The following SMARCAL1 variants were observed in gnomAD, a reference collection of about 807,000 sequenced individuals.
The protein encoded by SMARCAL1 is SNF2 related chromatin remodeling annealing helicase 1.
A neutral mutation model predicts 94.5 loss-of-function variants in SMARCAL1; 58 were observed. The observed-to-expected ratio is 0.61, with a 90% CI of 0.50 to 0.76. The LOEUF is 0.76. SMARCAL1 is among the 30% of genes least tolerant of loss of function. The pLI, the probability that SMARCAL1 is intolerant of heterozygous loss-of-function variation, is 0.00. For missense variants in SMARCAL1, 1,051 were observed against 1,177.9 expected (o/e 0.89, Z 1.58); for synonymous variants, 422 against 455.1 (o/e 0.93, Z 0.93).
At chr2:216,422,297 T>C (rs1307967528) in intron 5 of SMARCAL1, among the ~76,000 whole-genome samples, 1 of 152,158 alleles carries the variant, frequency 6.6e-6, no homozygotes, top group African/African-American at 2.4e-5. Flanking sequence ...GGAGAATCCC[T>C]TGAGCCTGGG....
At position 216,416,182 on chromosome 2, in the gene SMARCAL1, C is replaced by T. The variant is rs557194670; in HGVS notation, c.812-75C>T. 37 of 1,278,654 alleles carry T rather than the reference C, an allele frequency of 2.9e-5. No homozygotes were observed. In the East Asian group the frequency reaches 8.3e-4, roughly 29 times the overall value. The allele number at this position is 1,278,654 out of a possible 1,614,324, so 79.2% of individuals were successfully genotyped here. ...TTGAACTTGGCGTCCTTCATTCATT[C>T]ATTTAGAAGACAAGCTTGTGTTGAG... On this transcript the variant is annotated intron_variant, in intron 3 of 17. Coordinates refer to ENST00000357276, the MANE Select transcript of SMARCAL1 (RefSeq NM_014140.4).
At chr2:216,451,993 GTTA>G (rs964669922) in intron 12 of SMARCAL1, among the ~76,000 whole-genome samples, 3 of 152,162 alleles carry the variant, frequency 2.0e-5, no homozygotes, top group Non-Finnish European at 4.4e-5. Context: ...TGTTTTTCAT[GTTA>G]TTTTACCATG....
chr2:216,463,723 G>C (rs6736106), intron 12 of SMARCAL1, among the ~76,000 whole-genome samples: 44,911 of 152,074 alleles, frequency 0.3, 7,875 homozygotes, highest in African/African-American at 0.48. Flanking sequence ...GGTATACCAA[G>C]AACACCTGAA....
At chr2:216,437,723 A>T (rs563831371) in intron 9 of SMARCAL1, among the ~76,000 whole-genome samples, 12 of 152,318 alleles carry the variant, frequency 7.9e-5, no homozygotes, top group African/African-American at 2.9e-4. Context: ...GGCTTTAGAA[A>T]ATATGATCAA....
At chr2:216,425,664 C>T (rs1693818182) in intron 6 of SMARCAL1, among the ~76,000 whole-genome samples, 1 of 152,142 alleles carries the variant, frequency 6.6e-6, no homozygotes, top group African/African-American at 2.4e-5. Flanking sequence ...GGAGAGTGAG[C>T]AAGGCAGAGA....
At chr2:216,478,070 A>C in intron 16 of SMARCAL1, 133 bp from the exon 17 acceptor site, 2 of 815,584 alleles carry the variant, frequency 2.5e-6, no homozygotes, top group Middle Eastern at 2.8e-4. Context: ...GGGTGTTTGC[A>C]CCTTGAGAGA....
Position 216,438,408 on chromosome 2 carries a change from A to G in SMARCAL1, c.1645-12A>G. ...TTGGATCTTGTACACTTATGTGGCT[A>G]CTTCTTTTCAGGATGAATCTCACTT... On this transcript the variant is annotated splice_polypyrimidine_tract_variant and intron_variant, in intron 9 of 17. Coordinates refer to ENST00000357276, the MANE Select transcript of SMARCAL1 (RefSeq NM_014140.4). 2.5e-6 allele frequency: 4 copies of G among 1,612,448 alleles called. No homozygotes were observed. The highest frequency in any genetic ancestry group is 1.3e-5 in the African/African-American group (1 of 75,002).
chr2:216,432,325 G>A (rs902573686), intron 7 of SMARCAL1, among the ~76,000 whole-genome samples: 2 of 152,100 alleles, frequency 1.3e-5, no homozygotes, highest in African/African-American at 2.4e-5. Context: ...ACTCTGGAGT[G>A]AGTAAGCATG....
At chr2:216,480,180 A>G (rs956475302) in intron 17 of SMARCAL1, among the ~76,000 whole-genome samples, 2 of 152,250 alleles carry the variant, frequency 1.3e-5, no homozygotes, top group Non-Finnish European at 2.9e-5. Context: ...GGTAATATAA[A>G]TGAGTTTTAT....
chr2:216,436,786 A>G (rs1694091116), intron 9 of SMARCAL1, among the ~76,000 whole-genome samples: 1 of 152,122 alleles, frequency 6.6e-6, no homozygotes, highest in African/African-American at 2.4e-5. Context: ...ATAATCATCT[A>G]TTTTCCCAGT....
intron 14 of SMARCAL1, among the ~76,000 whole-genome samples, chr2:216,473,735 T>G (rs2106084091): frequency 6.6e-6 from 1 of 152,346 alleles, no homozygotes; most frequent in Admixed American, 6.5e-5. Context: ...TGTTTTTATT[T>G]TCCTTATCAT....
Position 216,464,576 on chromosome 2 carries a change from TCTTAA to T in SMARCAL1, c.2071-16_2071-12del, listed in dbSNP as rs770601201. ...GTTCTCAGACTGGGGCACTTAACATTCTTAACTTATCTTTCAACAGAAACAGCAGC... is the reference window on the plus strand; with the variant it reads ...GTTCTCAGACTGGGGCACTTAACATTCTTATCTTTCAACAGAAACAGCAGC... On this transcript the variant is annotated splice_polypyrimidine_tract_variant and intron_variant, in intron 12 of 17. Coordinates refer to ENST00000357276, the MANE Select transcript of SMARCAL1 (RefSeq NM_014140.4). 3.1e-5 allele frequency: 50 copies of T among 1,591,436 alleles called. No homozygotes were observed. The highest frequency in any genetic ancestry group is 4.1e-5 in the Non-Finnish European group (47 of 1,159,676).
At chr2:216,428,876 T>A in intron 7 of SMARCAL1, 94 bp downstream of exon 7, 3 of 1,161,560 alleles carry the variant, frequency 2.6e-6, no homozygotes, top group South Asian at 1.2e-5. Context: ...TATGAACTTT[T>A]ATTTACCATG....
At chr2:216,436,297 T>C (rs1694080716) in intron 9 of SMARCAL1, among the ~76,000 whole-genome samples, 1 of 152,220 alleles carries the variant, frequency 6.6e-6, no homozygotes, top group Admixed American at 6.5e-5. Context: ...AAGGTCTGAC[T>C]GGACCTGCTT....
Position 216,464,651 on chromosome 2 carries a change from A to T in SMARCAL1, c.2125A>T (p.Lys709Ter). 1 of 1,612,360 alleles carries T rather than the reference A, an allele frequency of 6.2e-7. No individual in the cohort carries two copies. The highest frequency in any genetic ancestry group is 8.5e-7 in the Non-Finnish European group (1 of 1,178,742). ...ILFFNRTAEA[K>*]IPSVIEYILD... ...CTTCTTCAACAGAACAGCTGAAGCT[A>T]AAATCCCATCTGTCATGTAAGTGGT... Residue 709 changes from lysine to a stop codon, truncating the protein, a stop_gained, in exon 13 of 18, where the codon AAA (lysine) becomes TAA (stop). Coordinates refer to ENST00000357276, the MANE Select transcript of SMARCAL1 (RefSeq NM_014140.4). LOFTEE classifies it high-confidence loss of function.
intron 12 of SMARCAL1, among the ~76,000 whole-genome samples, chr2:216,462,592 T>C (rs1694728241): frequency 6.6e-6 from 1 of 152,200 alleles, no homozygotes. Flanking sequence ...ATGTAGGATA[T>C]GAAAGGGATT....
At position 216,420,323 on chromosome 2, in the gene SMARCAL1, C is replaced by T. The variant is rs755708465; in HGVS notation, c.887C>T (p.Thr296Met). 3 of 1,614,108 alleles carry T rather than the reference C, an allele frequency of 1.9e-6. No individual in the cohort carries two copies. The highest frequency in any genetic ancestry group is 1.1e-5 in the South Asian group (1 of 91,078). ...ALMKAAQSLP[T>M]VNLQPLEWAY... ...GTGAAAGCAGCCCAGAGCCTCCCCA[C>T]GGTCAACCTGCAGCCTCTGGAATGG... The change falls in exon 5 of 18, where the codon ACG becomes ATG. Residue 296 changes from threonine to methionine, a missense_variant. Around this residue, in one of 3 missense-constraint regions of SMARCAL1, gnomAD observed 398 missense variants for 395.2 expected, o/e 1.01. Coordinates refer to ENST00000357276, the MANE Select transcript of SMARCAL1 (RefSeq NM_014140.4).
Position 216,458,782 on chromosome 2 carries a change from A to C in SMARCAL1, c.2071-5815A>C, listed in dbSNP as rs1464102355. On this transcript the variant is annotated intron_variant, in intron 12 of 17. Coordinates refer to ENST00000357276, the MANE Select transcript of SMARCAL1 (RefSeq NM_014140.4). ...CTTTGAAAACTGGCACAAGACAGGG[A>C]TGCCCTCTCTCACCACTCCTATTCA... Among the ~76,000 whole-genome samples the C allele has an allele frequency of 2.6e-5, 4 of 152,340 alleles. No homozygotes were observed. The East Asian group carries it at 7.7e-4, about 29-fold the overall frequency.
intron 17 of SMARCAL1, 28 bp downstream of exon 17, chr2:216,478,327 C>G: frequency 6.5e-7 from 1 of 1,545,174 alleles, no homozygotes; most frequent in South Asian, 1.1e-5. Context: ...CTCTTCACCC[C>G]TGGAGCAGAG....
Sources: gnomAD v4.1 joint callset for allele counts (sites outside exome capture counted in the v4.1 genomes callset) on GRCh38, gnomAD v4.1.1 for gene constraint, gnomAD v4.1.1 regional missense constraint, MANE v1.5 for transcripts, NCBI Gene and HGNC (gene_info 2026-07-23, HGNC 2026-07-21) for gene names.